The following COL22A1 variants were observed in gnomAD, a reference collection of about 807,000 sequenced individuals.
COL22A1 encodes collagen alpha-1(XXII) chain.
COL22A1 carries 221 observed loss-of-function variants against 248.9 expected under a neutral mutation model. The ratio of observed to expected loss-of-function variants is 0.89; its 90% CI spans 0.80 to 0.99. COL22A1 has a LOEUF of 0.99. Among genes scored for constraint, COL22A1 ranks in the 50% least tolerant of loss-of-function variants. The pLI is 0.00. For missense variants in COL22A1, 2,240 were observed against 2,179.0 expected (o/e 1.03, Z -0.56); for synonymous variants, 891 against 793.4 (o/e 1.12, Z -2.07).
chr8:138,630,568 G>A lies in COL22A1; in HGVS notation c.3663+127C>T, dbSNP rs187728411. On this transcript the variant is annotated intron_variant, in intron 50 of 64. Coordinates refer to ENST00000303045, the MANE Select transcript of COL22A1 (RefSeq NM_152888.3). ...GCAGTTTCATTGCAAGACTTGTAGT[G>A]AACAGAACCTCAAAAATATGTGAGC... is the stretch of plus-strand genomic sequence containing the variant. 828 of 807,932 alleles carry A rather than the reference G, an allele frequency of 1.0e-3. 4 individuals carry two copies. The highest frequency in any genetic ancestry group is 9.3e-3 in the Middle Eastern group (35 of 3,762). The allele number at this position is 807,932 out of a possible 1,614,324, so 50.0% of individuals were successfully genotyped here.
intron 4 of COL22A1, among the ~76,000 whole-genome samples, chr8:138,837,373 C>T (rs1164212965): frequency 6.6e-6 from 1 of 152,208 alleles, no homozygotes; most frequent in East Asian, 1.9e-4. Context: ...GTCACCCAGA[C>T]ATTGGGAGAC....
intron 23 of COL22A1, among the ~76,000 whole-genome samples, chr8:138,726,738 G>A (rs562899713): frequency 2.6e-5 from 4 of 152,304 alleles, no homozygotes; most frequent in South Asian, 2.1e-4. Flanking sequence ...AAGGTATTGC[G>A]TTTTGAATGA....
chr8:138,843,097 T>A (rs1203212935), intron 4 of COL22A1, among the ~76,000 whole-genome samples: 3 of 152,068 alleles, frequency 2.0e-5, no homozygotes, highest in East Asian at 3.9e-4. Flanking sequence ...GGGTCACTGG[T>A]TAGGAGCTGC....
At position 138,722,075 on chromosome 8, in the gene COL22A1, C is replaced by G. The variant is rs1431840813; in HGVS notation, c.2262G>C (p.Lys754Asn). 3 of 1,583,958 alleles carry G rather than the reference C, an allele frequency of 1.9e-6. No homozygotes were observed. In the South Asian group the frequency reaches 3.5e-5, roughly 18 times the overall value. The change falls in exon 26 of 65, where the codon AAG (lysine) becomes AAC (asparagine). Residue 754 changes from lysine to asparagine, a missense_variant. Lys to Asn is a moderately conservative substitution (Grantham distance 94). Coordinates refer to ENST00000303045, the MANE Select transcript of COL22A1 (RefSeq NM_152888.3). ...GPPGPTGPPG[K>N]DGPNGPPGPP... ...GACCTGGTGGTCCATTTGGCCCGTC[C>G]TTTCCAGGGGGTCCCTGGGCCAAGA...
At chr8:138,615,958 CCCCCAG>C (rs1365852055) in intron 55 of COL22A1, 37 bp downstream of exon 55, 5 of 1,505,532 alleles carry the variant, frequency 3.3e-6, no homozygotes, top group Non-Finnish European at 4.6e-6. Flanking sequence ...GATACACCCA[CCCCCAG>C]CCCCAGCCCA....
At chr8:138,610,533 TA>T (rs1232240844) in intron 56 of COL22A1, among the ~76,000 whole-genome samples, 15 of 152,232 alleles carry the variant, frequency 9.9e-5, no homozygotes, top group Non-Finnish European at 2.1e-4. Flanking sequence ...ATTCTGTGTT[TA>T]AAAACAAAGT....
At chr8:138,719,276 A>G (rs763387449) in intron 27 of COL22A1, among the ~76,000 whole-genome samples, 1 of 152,202 alleles carries the variant, frequency 6.6e-6, no homozygotes, top group Non-Finnish European at 1.5e-5. Flanking sequence ...AGCAAATTAC[A>G]TGACATCACA....
chr8:138,703,915 C>A (rs977294762), intron 30 of COL22A1, among the ~76,000 whole-genome samples: 2 of 152,168 alleles, frequency 1.3e-5, no homozygotes, highest in Admixed American at 1.3e-4. Flanking sequence ...AAAATTGGGA[C>A]ACTCCCACCC....
chr8:138,863,637 C>A (rs772955237), intron 3 of COL22A1, among the ~76,000 whole-genome samples: 2 of 152,136 alleles, frequency 1.3e-5, no homozygotes, highest in Non-Finnish European at 2.9e-5. Context: ...GAACGCAACG[C>A]GGAAGTGGGT....
intron 11 of COL22A1, among the ~76,000 whole-genome samples, chr8:138,797,835 T>C (rs1006472108): frequency 1.8e-4 from 27 of 152,190 alleles, no homozygotes; most frequent in Admixed American, 3.3e-4. Context: ...GCTTCATGTA[T>C]TCTGGGGTTT....
intron 30 of COL22A1, among the ~76,000 whole-genome samples, chr8:138,709,022 C>A (rs1299097944): frequency 6.6e-6 from 1 of 152,254 alleles, no homozygotes; most frequent in East Asian, 1.9e-4. Flanking sequence ...ATGCAGCCAA[C>A]AGACACATGA....
chr8:138,624,364 G>C (rs922542428), intron 51 of COL22A1, among the ~76,000 whole-genome samples: 1 of 152,126 alleles, frequency 6.6e-6, no homozygotes, highest in African/African-American at 2.4e-5. Flanking sequence ...AGCTGGGGTC[G>C]TTCACAAGGT....
chr8:138,604,538 G>A (rs908248413), intron 59 of COL22A1, among the ~76,000 whole-genome samples, 196 bp downstream of exon 59: 2 of 152,206 alleles, frequency 1.3e-5, no homozygotes, highest in Non-Finnish European at 2.9e-5. Context: ...CCCTGCACTG[G>A]CTACATAATT....
intron 9 of COL22A1, among the ~76,000 whole-genome samples, chr8:138,811,492 T>G (rs1041410178): frequency 1.2e-4 from 19 of 152,064 alleles, no homozygotes; most frequent in African/African-American, 4.6e-4. Context: ...TTCTTCTGAG[T>G]CTTATTCTCA....
chr8:138,885,016 GCA>G (rs10587026), intron 1 of COL22A1, among the ~76,000 whole-genome samples: 89,128 of 150,832 alleles, frequency 0.59, 27,703 homozygotes, highest in East Asian at 0.86. Context: ...GTGTGTGCAC[GCA>G]CACACACACA....
rs1475475706 is a variant in COL22A1 at position 138,589,248 on chromosome 8, G to T, written c.*5C>A. The T allele has an allele frequency of 1.9e-6, 3 of 1,612,592 alleles. No individual in the cohort carries two copies. Among genetic ancestry groups the T allele is most frequent in the Non-Finnish European group, 2.5e-6 (3 of 1,179,380 alleles). On this transcript the variant is annotated 3_prime_UTR_variant, in exon 65 of 65. Transcript: ENST00000303045. ...CACTGCAGTCTTCTGGCTTTCCAGA[G>T]TCCTTTAGGGACCCTTCACATTACC...
chr8:138,716,232 C>A lies in COL22A1; in HGVS notation c.2458G>T (p.Asp820Tyr), dbSNP rs531920284. The change falls in exon 29 of 65, where the codon GAC (aspartate) becomes TAC (tyrosine). Residue 820 changes from aspartate (D) to tyrosine (Y), a missense_variant. Asp to Tyr is a radical substitution (Grantham distance 160). Coordinates refer to ENST00000303045, the MANE Select transcript of COL22A1 (RefSeq NM_152888.3). ...GFPGVRGEKG[D>Y]QGEKGELGLP... ...AAGGAAGCTGCCACACTTACCTGGT[C>A]TCCTTTCTCTCCTCTCACACCTGGG... 2 of 1,584,172 alleles carry A rather than the reference C, an allele frequency of 1.3e-6. No homozygotes were observed. Among genetic ancestry groups the A allele is most frequent in the East Asian group, 2.3e-5 (1 of 44,092 alleles).
intron 58 of COL22A1, 137 bp downstream of exon 58, chr8:138,606,244 C>G (rs1363073172): frequency 1.7e-5 from 13 of 756,292 alleles, no homozygotes; most frequent in Non-Finnish European, 2.8e-5. Context: ...AACCATGATG[C>G]AACTTTGACC....
chr8:138,813,646 GTTCTACACT>G, intron 7 of COL22A1, among the ~76,000 whole-genome samples: 1 of 51,066 alleles, frequency 2.0e-5, no homozygotes, highest in Middle Eastern at 0.011. Flanking sequence ...CCAGCGTTTC[GTTCTACACT>G]GAAGGGGCTT....
Sources: allele counts gnomAD v4.1 joint callset (sites outside exome capture counted in the v4.1 genomes callset), GRCh38; gene constraint gnomAD v4.1.1; transcripts MANE v1.5; gene names NCBI Gene and HGNC (gene_info 2026-07-23, HGNC 2026-07-21).